LRMDA: variants seen among roughly 807,000 people sequenced by gnomAD.
The protein encoded by LRMDA is leucine-rich melanocyte differentiation-associated protein.
Under a neutral mutation model 29.8 loss-of-function variants are expected in LRMDA, and 18 were observed. The observed-to-expected ratio is 0.60, with a 90% CI of 0.42 to 0.90. The LOEUF (loss-of-function observed/expected upper bound fraction) is 0.90, where lower values mean the gene tolerates loss of function less well. Among genes scored for constraint, LRMDA ranks in the 40% least tolerant of loss-of-function variants. The pLI, the probability that LRMDA is intolerant of heterozygous loss-of-function variation, is 0.00. For synonymous variants in LRMDA, 125 were observed against 109.4 expected, an observed-to-expected ratio of 1.14 and a Z score of -0.89; for missense variants, 273 against 273.9, an observed-to-expected ratio of 1.00 and a Z score of 0.02.
At chr10:76,521,781 T>A (rs1315964286) in intron 6 of LRMDA, among the ~76,000 whole-genome samples, 1 of 152,224 alleles carries the variant, frequency 6.6e-6, no homozygotes, top group African/African-American at 2.4e-5. Context: ...TGTTAAGCAT[T>A]TTGCCCCAAT....
chr10:76,453,208 T>C (rs1294389150), intron 6 of LRMDA, among the ~76,000 whole-genome samples: 1 of 152,142 alleles, frequency 6.6e-6, no homozygotes, highest in African/African-American at 2.4e-5. Flanking sequence ...GTTGGATCCA[T>C]TGACTCTTTT....
intron 2 of LRMDA, among the ~76,000 whole-genome samples, chr10:75,538,830 G>A (rs1839982962): frequency 1.3e-5 from 2 of 152,178 alleles, no homozygotes; most frequent in East Asian, 1.9e-4. Context: ...TAATTTGTGT[G>A]TTTTATAAAC....
chr10:76,099,758 T>G (rs934214512), intron 5 of LRMDA, among the ~76,000 whole-genome samples: 2 of 152,208 alleles, frequency 1.3e-5, no homozygotes, highest in African/African-American at 2.4e-5. Flanking sequence ...AAATAATAAA[T>G]AAACCAATAG....
At chr10:75,894,410 T>G (rs1845548556) in intron 2 of LRMDA, among the ~76,000 whole-genome samples, 1 of 152,234 alleles carries the variant, frequency 6.6e-6, no homozygotes, top group Non-Finnish European at 1.5e-5. Context: ...TACCACAGTT[T>G]CTTTATTCAC....
intron 2 of LRMDA, among the ~76,000 whole-genome samples, chr10:75,658,996 G>A (rs1841714359): frequency 6.6e-6 from 1 of 152,230 alleles, no homozygotes; most frequent in Non-Finnish European, 1.5e-5. Context: ...AAGGTGGCTG[G>A]AGAAGCTTGA....
At chr10:75,531,102 G>T (rs1210936127) in intron 2 of LRMDA, among the ~76,000 whole-genome samples, 9 of 152,208 alleles carry the variant, frequency 5.9e-5, no homozygotes, top group Admixed American at 4.6e-4. Flanking sequence ...GAGTGTCTGT[G>T]TGTGCCAGGC....
chr10:76,333,081 A>G (rs1431139750), intron 6 of LRMDA, among the ~76,000 whole-genome samples: 2 of 152,182 alleles, frequency 1.3e-5, no homozygotes, highest in South Asian at 4.1e-4. Flanking sequence ...TTTGAAGAAC[A>G]TGTTAAGTGG....
Position 76,438,711 on chromosome 10 carries a change from G to A in LRMDA, c.601+114226G>A, listed in dbSNP as rs117419104. Reference sequence around the variant, plus strand: ...GATCTTCCCAGATACATCTAAATGTGGACATAAAATGTAATGGGAAGAAAT... The same window carrying A: ...GATCTTCCCAGATACATCTAAATGTAGACATAAAATGTAATGGGAAGAAAT... On this transcript the variant is annotated intron_variant, in intron 6 of 6. Transcript: ENST00000611255. 1.1e-4 allele frequency: 16 copies of A among 152,240 alleles called. No homozygotes were observed. In the East Asian group the frequency reaches 3.1e-3, roughly 29 times the overall value. The allele number at this position is 152,240 out of a possible 1,614,324, so 9.4% of individuals were successfully genotyped here.
At chr10:76,370,127 A>AT (rs1841436194) in intron 6 of LRMDA, among the ~76,000 whole-genome samples, 1 of 144 alleles carries the variant, frequency 6.9e-3, no homozygotes, top group Non-Finnish European at 0.042. Context: ...TTATGCCAGC[A>AT]AAAAAAGTAG....
At position 75,995,297 on chromosome 10, in the gene LRMDA, G is replaced by A. The variant is rs528378000; in HGVS notation, c.132-40711G>A. The stretch of plus-strand genomic sequence containing the variant: ...CTTGCAGCTGCATTCTGAGGAAGGT[G>A]GAGTTTCCAGTTTCTACCTTCTCTT... On this transcript the variant is annotated intron_variant, in intron 2 of 6. Coordinates refer to ENST00000611255, the MANE Select transcript of LRMDA (RefSeq NM_001305581.2). Among the ~76,000 whole-genome samples the A allele has an allele frequency of 5.9e-5, 9 of 152,252 alleles. 2 individuals carry two copies. Among genetic ancestry groups the A allele is most frequent in the African/African-American group, 1.9e-4 (8 of 41,536 alleles).
At position 76,500,874 on chromosome 10, in the gene LRMDA, A is replaced by T. The variant is rs1170746789; in HGVS notation, c.602-56335A>T. Among the ~76,000 whole-genome samples, 2 of 74,616 alleles carry T rather than the reference A, an allele frequency of 2.7e-5. 1 individual carries two copies. 49.0% of individuals were successfully genotyped at this position (74,616 alleles called of 152,430 possible). A position where few individuals can be genotyped will look rare whatever the true frequency, so the allele number is the denominator to read the frequency against. On this transcript the variant is annotated intron_variant, in intron 6 of 6. Coordinates refer to ENST00000611255, the MANE Select transcript of LRMDA (RefSeq NM_001305581.2). Reference sequence around the variant, plus strand: ...TTTTTTTAAAAAAAAAATAAAAGTAACTTCAACATTTATTTTAGATTCAGA... The same window carrying T: ...TTTTTTTAAAAAAAAAATAAAAGTATCTTCAACATTTATTTTAGATTCAGA...
intron 2 of LRMDA, among the ~76,000 whole-genome samples, chr10:75,723,199 T>C (rs1842589786): frequency 6.6e-6 from 1 of 152,234 alleles, no homozygotes. Flanking sequence ...GCTTGCCATT[T>C]GCTTGGGAGC....
chr10:75,733,451 C>T (rs908134431), intron 2 of LRMDA, among the ~76,000 whole-genome samples: 1 of 152,236 alleles, frequency 6.6e-6, no homozygotes, highest in African/African-American at 2.4e-5. Flanking sequence ...GTAAACTGTT[C>T]TCCTTCTGTA....
At chr10:76,264,406 CAAAAAAA>C (rs59846541) in intron 5 of LRMDA, among the ~76,000 whole-genome samples, 27 of 34,298 alleles carry the variant, frequency 7.9e-4, no homozygotes, top group African/African-American at 3.0e-3. Context: ...GACTCTGTCT[CAAAAAAA>C]AAAAAAAAAA....
chr10:75,525,305 G>A (rs1243736044), intron 2 of LRMDA, among the ~76,000 whole-genome samples: 1 of 152,220 alleles, frequency 6.6e-6, no homozygotes, highest in Non-Finnish European at 1.5e-5. Context: ...AGAGGTAAGT[G>A]TGGTTTGTGA....
chr10:75,432,310 A>G (rs971785218), intron 1 of LRMDA, among the ~76,000 whole-genome samples: 10 of 152,234 alleles, frequency 6.6e-5, no homozygotes, highest in Non-Finnish European at 1.3e-4. Flanking sequence ...GGGCTACGCC[A>G]TAGCCAAAGG....
chr10:75,498,352 C>T (rs1430837220), intron 2 of LRMDA, among the ~76,000 whole-genome samples: 1 of 152,138 alleles, frequency 6.6e-6, no homozygotes, highest in African/African-American at 2.4e-5. Flanking sequence ...CCCACAGTCA[C>T]TTGTGATATT....
intron 5 of LRMDA, among the ~76,000 whole-genome samples, chr10:76,176,623 G>A (rs1281106799): frequency 3.3e-5 from 5 of 152,192 alleles, no homozygotes; most frequent in East Asian, 3.9e-4. Flanking sequence ...GTGAAACCCC[G>A]TCTCTACTAA....
chr10:76,361,800 A>C lies in LRMDA; in HGVS notation c.601+37315A>C, dbSNP rs1473278676. Among the ~76,000 whole-genome samples the C allele has an allele frequency of 2.0e-5, 3 of 152,314 alleles. No homozygotes were observed. In the East Asian group the frequency reaches 5.8e-4, roughly 29 times the overall value. ...GGTTATGACTATTATATGTTTAGTT[A>C]AATTGTTGACACTGACAGGACGTGG... On this transcript the variant is annotated intron_variant, in intron 6 of 6. Transcript: ENST00000611255.
Sources: gnomAD v4.1 joint callset for allele counts (sites outside exome capture counted in the v4.1 genomes callset) on GRCh38, gnomAD v4.1.1 for gene constraint, MANE v1.5 for transcripts, NCBI Gene and HGNC (gene_info 2026-07-23, HGNC 2026-07-21) for gene names.